USH2A: variants seen among roughly 807,000 people sequenced by gnomAD.
USH2A encodes the protein Usher syndrome 2A (autosomal recessive, mild).
USH2A carries 443 observed loss-of-function variants against 538.9 expected under a neutral mutation model. That is an observed-to-expected ratio of 0.82 (90% CI 0.76 to 0.89). The LOEUF is 0.89. USH2A is among the 40% of genes least tolerant of loss of function. The pLI is 0.00. For missense variants in USH2A, 6,633 were observed against 6,324.8 expected, an observed-to-expected ratio of 1.05 and a Z score of -1.65; for synonymous variants, 2,413 against 2,273.5, an observed-to-expected ratio of 1.06 and a Z score of -1.75.
At chr1:215,681,486 G>A (rs1194497641) in intron 61 of USH2A, among the ~76,000 whole-genome samples, 1 of 152,074 alleles carries the variant, frequency 6.6e-6, no homozygotes, top group Non-Finnish European at 1.5e-5. Context: ...GTGATACATG[G>A]TCTTCAATTG....
chr1:215,777,828 C>T (rs1046285958), intron 55 of USH2A, among the ~76,000 whole-genome samples: 2 of 152,144 alleles, frequency 1.3e-5, no homozygotes, highest in African/African-American at 4.8e-5. Flanking sequence ...TCTTCTTCAT[C>T]TTTCAGATAT....
intron 61 of USH2A, among the ~76,000 whole-genome samples, chr1:215,717,230 A>G (rs1328216504): frequency 6.6e-6 from 1 of 152,062 alleles, no homozygotes; most frequent in Non-Finnish European, 1.5e-5. Context: ...GATTAGAAAA[A>G]ACTCCTGGGA....
At chr1:215,659,647 GTTGT>G (rs746402593) in intron 64 of USH2A, among the ~76,000 whole-genome samples, 22 of 151,764 alleles carry the variant, frequency 1.4e-4, no homozygotes, top group Non-Finnish European at 3.1e-4. Context: ...TTTTTTTGTT[GTTGT>G]TTGTTTTTTT....
intron 20 of USH2A, among the ~76,000 whole-genome samples, chr1:216,187,450 G>A (rs1044036737): frequency 7.2e-5 from 11 of 151,862 alleles, no homozygotes; most frequent in African/African-American, 2.4e-4. Flanking sequence ...GAAATTTGCT[G>A]TTTTTGAGCA....
chr1:215,823,791 T>A (rs1320835526), intron 47 of USH2A, among the ~76,000 whole-genome samples: 2 of 152,000 alleles, frequency 1.3e-5, no homozygotes, highest in Non-Finnish European at 2.9e-5. Flanking sequence ...TTGTTGATGC[T>A]TTCCTCTGAT....
At chr1:215,910,448 C>T (rs1372346489) in intron 38 of USH2A, among the ~76,000 whole-genome samples, 6 of 151,828 alleles carry the variant, frequency 4.0e-5, no homozygotes, top group South Asian at 2.1e-4. Context: ...TCTTCATCAA[C>T]GAAAGAAAGA....
At chr1:216,224,158 G>T (rs1006605246) in intron 14 of USH2A, among the ~76,000 whole-genome samples, 4 of 152,234 alleles carry the variant, frequency 2.6e-5, no homozygotes, top group Admixed American at 2.6e-4. Flanking sequence ...ACTTTTGGGG[G>T]TTGTGATGTG....
At chr1:215,756,802 T>A (rs1450717867) in intron 58 of USH2A, among the ~76,000 whole-genome samples, 1 of 152,042 alleles carries the variant, frequency 6.6e-6, no homozygotes, top group Non-Finnish European at 1.5e-5. Flanking sequence ...TGTGTGCCTG[T>A]AGTCCCAGCT....
chr1:216,202,332 C>T (rs1458997641), intron 16 of USH2A, among the ~76,000 whole-genome samples: 1 of 152,052 alleles, frequency 6.6e-6, no homozygotes, highest in African/African-American at 2.4e-5. Flanking sequence ...GAGCAGTCTA[C>T]TTAATAAGAA....
intron 61 of USH2A, among the ~76,000 whole-genome samples, chr1:215,722,965 G>A (rs1370819795): frequency 6.6e-6 from 1 of 152,114 alleles, no homozygotes; most frequent in Non-Finnish European, 1.5e-5. Context: ...TAGCAATATC[G>A]CCAACCTTGC....
At chr1:215,729,028 C>A (rs1659914609) in intron 60 of USH2A, among the ~76,000 whole-genome samples, 1 of 152,086 alleles carries the variant, frequency 6.6e-6, no homozygotes, top group Non-Finnish European at 1.5e-5. Context: ...TGTATCCAGG[C>A]CTTTTGCGAG....
In USH2A at chr1:215,972,197, A is replaced by G. The variant is rs72744645; in HGVS notation, c.6806-1421T>C. On this transcript the variant is annotated intron_variant, in intron 35 of 71. Coordinates refer to ENST00000307340, the MANE Select transcript of USH2A (RefSeq NM_206933.4). Reference sequence around the variant, plus strand: ...GTGGGAGGCACTGTGAGGAGGACAGAAGCAGGAAGAAAGAAAACGTCCAGT... The same window carrying G: ...GTGGGAGGCACTGTGAGGAGGACAGGAGCAGGAAGAAAGAAAACGTCCAGT... Among the ~76,000 whole-genome samples, 928 of 152,298 alleles carry G rather than the reference A, an allele frequency of 6.1e-3. 7 individuals carry two copies. Among genetic ancestry groups the G allele is most frequent in the Non-Finnish European group, 8.4e-3 (574 of 68,028 alleles).
At chr1:216,103,331 C>T (rs1470850754) in intron 21 of USH2A, among the ~76,000 whole-genome samples, 4 of 152,220 alleles carry the variant, frequency 2.6e-5, no homozygotes, top group African/African-American at 9.6e-5. Context: ...TCAACACAAA[C>T]ATTTTTCAAA....
intron 37 of USH2A, among the ~76,000 whole-genome samples, chr1:215,955,635 G>A (rs594257): frequency 6.6e-6 from 1 of 152,076 alleles, no homozygotes; most frequent in Non-Finnish European, 1.5e-5. Flanking sequence ...TTTGCAACCC[G>A]ATTTATAAAT....
intron 21 of USH2A, among the ~76,000 whole-genome samples, chr1:216,132,151 T>C (rs1476031582): frequency 2.6e-5 from 4 of 152,140 alleles, no homozygotes; most frequent in Non-Finnish European, 5.9e-5. Flanking sequence ...TTTCATCTGT[T>C]CTAAACTTCA....
At chr1:216,104,879 C>A (rs142307799) in intron 21 of USH2A, among the ~76,000 whole-genome samples, 1,999 of 152,250 alleles carry the variant, frequency 0.013, 34 homozygotes, top group Non-Finnish European at 0.019. Context: ...TCAGAGTGAA[C>A]AGGCAACCTA....
At chr1:215,631,318 C>A (rs763570011) in intron 70 of USH2A, among the ~76,000 whole-genome samples, 7 of 151,868 alleles carry the variant, frequency 4.6e-5, no homozygotes, top group Non-Finnish European at 1.0e-4. Context: ...GAAAACTGAG[C>A]AGGTGAATCT....
chr1:216,034,216 C>G (rs1669193039), intron 32 of USH2A, among the ~76,000 whole-genome samples: 1 of 152,174 alleles, frequency 6.6e-6, no homozygotes, highest in Non-Finnish European at 1.5e-5. Flanking sequence ...AGAGCTTGAA[C>G]AGTAATAGGG....
intron 3 of USH2A, among the ~76,000 whole-genome samples, chr1:216,410,816 T>G (rs771010145): frequency 5.5e-4 from 84 of 152,130 alleles, no homozygotes; most frequent in Non-Finnish European, 9.6e-4. Context: ...GCCCTTTAAT[T>G]TAATTCTTAA....
Sources: gnomAD v4.1 joint callset for allele counts (sites outside exome capture counted in the v4.1 genomes callset) on GRCh38, gnomAD v4.1.1 for gene constraint, MANE v1.5 for transcripts, NCBI Gene and HGNC (gene_info 2026-07-23, HGNC 2026-07-21) for gene names.